AGAP5: variants seen among roughly 807,000 people sequenced by gnomAD.
AGAP5 encodes ArfGAP with GTPase domain, ankyrin repeat and PH domain 5, also known as arf-GAP with GTPase, ANK repeat and PH domain-containing protein 5.
Under a neutral mutation model 27.7 loss-of-function variants are expected in AGAP5, and 8 were observed. The ratio of observed to expected loss-of-function variants is 0.29; its 90% CI spans 0.17 to 0.52. The LOEUF (loss-of-function observed/expected upper bound fraction) is 0.52, where lower values mean the gene tolerates loss of function less well. AGAP5 is among the 20% of genes least tolerant of loss of function. The pLI is 0.97. For missense variants in AGAP5, 285 were observed against 880.8 expected, an observed-to-expected ratio of 0.32 and a Z score of 8.56; for synonymous variants, 111 against 338.0, an observed-to-expected ratio of 0.33 and a Z score of 7.37.
At chr10:73,676,483 CAA>C (rs3998278) in intron 7 of AGAP5, among the ~76,000 whole-genome samples, 5 of 131,812 alleles carry the variant, frequency 3.8e-5, no homozygotes, top group African/African-American at 2.8e-5. Context: ...GAGAGTCCAT[CAA>C]AAAAAAAAAA....
rs1222128628 is a variant in AGAP5, at chr10:73,692,043, A to C, written c.396T>G (p.His132Gln). The C allele has an allele frequency of 1.0e-5, 15 of 1,506,050 alleles. No individual in the cohort carries two copies. The highest frequency in any genetic ancestry group is 4.4e-6 in the Non-Finnish European group (5 of 1,123,786). The allele number at this position is 1,506,050 out of a possible 1,614,324, so 93.3% of individuals were successfully genotyped here. ...VEIRRSNCTN[H>Q]VSTERFSQQY... The stretch of plus-strand genomic sequence containing the variant: ...CTTAACTATTTGAGTGTTTACTTAC[A>C]TGGTTTGTACAGTTGCTTCTTCTTA... Residue 132 changes from histidine (H) to glutamine (Q), a missense_variant and splice_region_variant, in exon 4 of 8, where the codon CAT becomes CAG. Physicochemically the swap from His to Gln is conservative, Grantham distance 24. Coordinates refer to ENST00000374094, the MANE Select transcript of AGAP5 (RefSeq NM_001144000.4).
intron 4 of AGAP5, among the ~76,000 whole-genome samples, chr10:73,688,274 C>G (rs2082081536): frequency 1.3e-5 from 2 of 152,214 alleles, no homozygotes; most frequent in Non-Finnish European, 2.9e-5. Context: ...GGAGATCCTT[C>G]TCAGAAGAAA....
intron 7 of AGAP5, among the ~76,000 whole-genome samples, 170 bp from the exon 8 acceptor site, chr10:73,676,244 CAGG>C (rs1221157702): frequency 8.2e-6 from 1 of 122,022 alleles, no homozygotes; most frequent in Non-Finnish European, 1.6e-5. Flanking sequence ...ATCACGAGGT[CAGG>C]AGTTCAAGAC....
At chr10:73,697,392 A>T in intron 1 of AGAP5, 141 bp downstream of exon 1, 1 of 1,567,906 alleles carries the variant, frequency 6.4e-7, no homozygotes, top group Non-Finnish European at 8.6e-7. Context: ...AGGCAGAGCC[A>T]GCTTTTGTTC....
In AGAP5 at chr10:73,698,107, A is replaced by C. The variant is rs2082180036; in HGVS notation, c.-352T>G. ...CTCCTCCTTCTGTAGTCACCTACAGACTGAAGCCCACTGGCCCCAGGTGGG... is the reference window on the plus strand; with the variant it reads ...CTCCTCCTTCTGTAGTCACCTACAGCCTGAAGCCCACTGGCCCCAGGTGGG... On this transcript the variant is annotated 5_prime_UTR_variant, in exon 1 of 8. Coordinates refer to ENST00000374094, the MANE Select transcript of AGAP5 (RefSeq NM_001144000.4). 2.4e-6 allele frequency: 3 copies of C among 1,264,142 alleles called. No individual in the cohort carries two copies. The highest frequency in any genetic ancestry group is 3.0e-6 in the Non-Finnish European group (3 of 990,492). The allele number at this position is 1,264,142 out of a possible 1,614,324, so 78.3% of individuals were successfully genotyped here.
intron 3 of AGAP5, 120 bp downstream of exon 3, chr10:73,694,616 G>A: frequency 1.3e-6 from 2 of 1,572,506 alleles, no homozygotes; most frequent in South Asian, 1.1e-5. Context: ...AATAAGACAA[G>A]TGAACATGTG....
intron 2 of AGAP5, among the ~76,000 whole-genome samples, chr10:73,696,598 A>G (rs1464474194): frequency 6.6e-6 from 1 of 152,222 alleles, no homozygotes; most frequent in Non-Finnish European, 1.5e-5. Context: ...AAGAATTTTA[A>G]AGTAATCAGA....
intron 4 of AGAP5, among the ~76,000 whole-genome samples, chr10:73,688,191 T>C (rs2082081027): frequency 6.6e-6 from 1 of 152,306 alleles, no homozygotes; most frequent in East Asian, 1.9e-4. Context: ...ACACCAAAAA[T>C]GGAACTCCAA....
chr10:73,679,094 C>CCA (rs1397553794), intron 6 of AGAP5, among the ~76,000 whole-genome samples: 1 of 143,194 alleles, frequency 7.0e-6, no homozygotes, highest in Non-Finnish European at 1.6e-5. Context: ...CTCAAGTGAT[C>CCA]CACCCACCTC....
At chr10:73,697,486 G>C (rs1450514899) in intron 1 of AGAP5, 47 bp downstream of exon 1, 14 of 1,606,930 alleles carry the variant, frequency 8.7e-6, no homozygotes, top group Non-Finnish European at 1.1e-5. Flanking sequence ...GGGGACAGCA[G>C]CAGCCAGAGG....
intron 2 of AGAP5, among the ~76,000 whole-genome samples, chr10:73,695,581 CAATT>C (rs1396623629): frequency 3.3e-5 from 5 of 152,218 alleles, no homozygotes; most frequent in Admixed American, 1.3e-4. Flanking sequence ...AAGGTACAAT[CAATT>C]AATTCACATA....
intron 4 of AGAP5, among the ~76,000 whole-genome samples, chr10:73,690,396 G>A (rs1265949441): frequency 6.6e-6 from 1 of 152,152 alleles, no homozygotes; most frequent in African/African-American, 2.4e-5. Flanking sequence ...TTGTTAAACA[G>A]ATGCTTGAAG....
At chr10:73,688,591 C>A (rs1278962518) in intron 4 of AGAP5, among the ~76,000 whole-genome samples, 1 of 150,158 alleles carries the variant, frequency 6.7e-6, no homozygotes. Flanking sequence ...CAGAATATCC[C>A]AGAACTAGAA....
intron 4 of AGAP5, among the ~76,000 whole-genome samples, chr10:73,686,575 C>T (rs2082065533): frequency 6.6e-6 from 1 of 152,176 alleles, no homozygotes; most frequent in African/African-American, 2.4e-5. Flanking sequence ...AGCTTCTGCA[C>T]AGGAAGAGGA....
chr10:73,687,024 C>T (rs1285470805), intron 4 of AGAP5, among the ~76,000 whole-genome samples: 1 of 151,796 alleles, frequency 6.6e-6, no homozygotes. Flanking sequence ...TTGGGTTCAG[C>T]GGATACTGCT....
intron 4 of AGAP5, among the ~76,000 whole-genome samples, chr10:73,687,743 G>A (rs901228181): frequency 1.3e-5 from 2 of 152,088 alleles, no homozygotes; most frequent in Admixed American, 6.6e-5. Context: ...ATAATAGATT[G>A]ACCACAAATT....
intron 6 of AGAP5, among the ~76,000 whole-genome samples, chr10:73,677,939 G>C (rs1209628653): frequency 1.3e-5 from 2 of 152,016 alleles, no homozygotes; most frequent in African/African-American, 4.8e-5. Flanking sequence ...CTTTGATGAA[G>C]CAATAAAAAT....
chr10:73,695,594 T>C (rs550108457), intron 2 of AGAP5, among the ~76,000 whole-genome samples: 2 of 152,262 alleles, frequency 1.3e-5, no homozygotes, highest in Admixed American at 6.5e-5. Flanking sequence ...TTAATTCACA[T>C]AATACATTTG....
chr10:73,685,263 C>CG (rs1565005256), intron 4 of AGAP5, among the ~76,000 whole-genome samples: 1 of 123,082 alleles, frequency 8.1e-6, no homozygotes. Flanking sequence ...TTCCAGTTCT[C>CG]GGGGGGAATG....
Sources: allele counts gnomAD v4.1 joint callset (sites outside exome capture counted in the v4.1 genomes callset), GRCh38; gene constraint gnomAD v4.1.1; transcripts MANE v1.5; gene names NCBI Gene and HGNC (gene_info 2026-07-23, HGNC 2026-07-21).